The following PSD3 variants were observed in gnomAD, a reference collection of about 807,000 sequenced individuals.
The protein encoded by PSD3 is PH and SEC7 domain-containing protein 3.
A neutral mutation model predicts 105.5 loss-of-function variants in PSD3; 49 were observed. That is an observed-to-expected ratio of 0.46 (90% confidence interval 0.37 to 0.59). The LOEUF is 0.59. PSD3 is among the 20% of genes least tolerant of loss of function. The probability of loss-of-function intolerance (pLI) is 0.00; values close to 1 mark genes in which losing one functional copy is unlikely to be tolerated. For missense variants in PSD3, 1,561 were observed against 1,263.8 expected (o/e 1.24, Z -3.57); for synonymous variants, 557 against 457.8 (o/e 1.22, Z -2.77).
At chr8:18,981,534 T>G (rs367680403) in intron 1 of PSD3, among the ~76,000 whole-genome samples, 12 of 152,214 alleles carry the variant, frequency 7.9e-5, no homozygotes, top group African/African-American at 2.9e-4. Flanking sequence ...TTGAAAAGTA[T>G]TTAGAAGACT....
intron 9 of PSD3, among the ~76,000 whole-genome samples, chr8:18,759,245 A>T (rs1806315397): frequency 6.6e-6 from 1 of 152,144 alleles, no homozygotes; most frequent in South Asian, 2.1e-4. Flanking sequence ...AATGTCAAAC[A>T]TCTAATAGCA....
intron 14 of PSD3, 78 bp from the exon 15 acceptor site, chr8:18,556,430 C>T (rs1397161878): frequency 2.1e-6 from 3 of 1,451,634 alleles, no homozygotes; most frequent in African/African-American, 2.8e-5. Flanking sequence ...TTTAAAAAAT[C>T]CCCTGTGCTG....
At chr8:18,887,247 G>A (rs1249765104) in intron 2 of PSD3, among the ~76,000 whole-genome samples, 1 of 152,184 alleles carries the variant, frequency 6.6e-6, no homozygotes, top group Non-Finnish European at 1.5e-5. Flanking sequence ...TTTAAAAGCT[G>A]CCACAGAATG....
intron 1 of PSD3, among the ~76,000 whole-genome samples, chr8:18,951,002 C>G (rs1017777969): frequency 2.0e-5 from 3 of 152,154 alleles, no homozygotes; most frequent in Non-Finnish European, 4.4e-5. Context: ...AGGAATGGAG[C>G]TGCAGAACCT....
chr8:18,542,430 G>A (rs532915901), intron 15 of PSD3, among the ~76,000 whole-genome samples: 3 of 152,284 alleles, frequency 2.0e-5, no homozygotes, highest in Middle Eastern at 3.4e-3. Flanking sequence ...AATTCAGGAC[G>A]GAATCTGCTG....
chr8:18,933,344 AT>A (rs1213784175), intron 2 of PSD3, among the ~76,000 whole-genome samples: 1 of 152,072 alleles, frequency 6.6e-6, no homozygotes, highest in African/African-American at 2.4e-5. Flanking sequence ...GACATTTGGT[AT>A]TATCTCTATA....
At chr8:18,971,472 C>T (rs1824648247) in intron 1 of PSD3, among the ~76,000 whole-genome samples, 1 of 152,182 alleles carries the variant, frequency 6.6e-6, no homozygotes, top group Non-Finnish European at 1.5e-5. Context: ...CAGAACCACT[C>T]TCCTGAGAAA....
At chr8:18,575,396 T>C in intron 12 of PSD3, 111 bp from the exon 13 acceptor site, 1 of 990,596 alleles carries the variant, frequency 1.0e-6, no homozygotes. Flanking sequence ...AGTAAGTGAA[T>C]GAAAAAAATG....
intron 9 of PSD3, chr8:18,762,763 T>C (rs1354389474): frequency 2.6e-6 from 1 of 381,288 alleles, no homozygotes; most frequent in Non-Finnish European, 4.5e-6. Context: ...AAAATATTAA[T>C]TAAATCAACT....
intron 4 of PSD3, among the ~76,000 whole-genome samples, chr8:18,814,931 G>A (rs1394049566): frequency 1.3e-5 from 2 of 152,202 alleles, no homozygotes; most frequent in African/African-American, 4.8e-5. Context: ...AAGTAGACAT[G>A]CCTTATGTGG....
intron 9 of PSD3, among the ~76,000 whole-genome samples, chr8:18,762,028 A>G (rs1163338855): frequency 1.3e-5 from 2 of 152,176 alleles, no homozygotes; most frequent in Non-Finnish European, 2.9e-5. Context: ...TGGAATAATA[A>G]CCAAGATAAC....
chr8:18,808,744 T>C lies in PSD3; in HGVS notation c.1635-3846A>G, dbSNP rs1209020885. On this transcript the variant is annotated intron_variant, in intron 4 of 15. Transcript: ENST00000327040. ...AGAAAGCTTGACAATATGATGGCAA[T>C]ATAAACTTACCAGCAACCATACAGA... is the stretch of plus-strand genomic sequence containing the variant. 1.9e-6 allele frequency: 3 copies of C among 1,613,904 alleles called. No homozygotes were observed. In the Admixed American group the frequency reaches 5.0e-5, roughly 27 times the overall value.
chr8:18,956,623 G>A (rs976382542), intron 1 of PSD3, among the ~76,000 whole-genome samples: 1 of 152,150 alleles, frequency 6.6e-6, no homozygotes, highest in African/African-American at 2.4e-5. Flanking sequence ...TACCAACCGA[G>A]TCTTGCTTAG....
At chr8:18,953,138 G>A (rs1394125090) in intron 1 of PSD3, among the ~76,000 whole-genome samples, 1 of 152,160 alleles carries the variant, frequency 6.6e-6, no homozygotes, top group East Asian at 1.9e-4. Flanking sequence ...AATGATCAGT[G>A]AAACACAGGT....
chr8:19,036,888 A>T (rs966908541), intron 1 of PSD3, among the ~76,000 whole-genome samples: 17 of 152,180 alleles, frequency 1.1e-4, no homozygotes, highest in African/African-American at 3.4e-4. Context: ...GTGAAGAAGG[A>T]TGAATTTGAC....
chr8:18,972,242 T>C (rs1023393074), intron 1 of PSD3, among the ~76,000 whole-genome samples: 4 of 152,354 alleles, frequency 2.6e-5, no homozygotes, highest in Non-Finnish European at 4.4e-5. Context: ...CAGATCCATT[T>C]GTCTAATTTC....
intron 4 of PSD3, among the ~76,000 whole-genome samples, chr8:18,815,732 C>T (rs1282760462): frequency 6.6e-6 from 1 of 151,510 alleles, no homozygotes; most frequent in Non-Finnish European, 1.5e-5. Context: ...TGCTGACACA[C>T]CCACTGACGA....
intron 9 of PSD3, among the ~76,000 whole-genome samples, chr8:18,705,936 C>T (rs1801870721): frequency 1.3e-5 from 2 of 152,184 alleles, no homozygotes; most frequent in African/African-American, 4.8e-5. Context: ...GCATATCCTA[C>T]TCCCAAGGTT....
intron 9 of PSD3, among the ~76,000 whole-genome samples, chr8:18,691,915 G>C (rs1800992533): frequency 6.6e-6 from 1 of 152,210 alleles, no homozygotes; most frequent in Non-Finnish European, 1.5e-5. Context: ...AACAGAGACA[G>C]AGAGGGAGCC....
Sources: allele counts gnomAD v4.1 joint callset (sites outside exome capture counted in the v4.1 genomes callset), GRCh38; gene constraint gnomAD v4.1.1; transcripts MANE v1.5; gene names NCBI Gene and HGNC (gene_info 2026-07-23, HGNC 2026-07-21).